The following SEMA3A variants were observed in gnomAD, a reference collection of about 807,000 sequenced individuals.
SEMA3A encodes semaphorin-3A.
A neutral mutation model predicts 97.9 loss-of-function variants in SEMA3A; 29 were observed. The ratio of observed to expected loss-of-function variants is 0.30; its 90% CI spans 0.22 to 0.40. The LOEUF (loss-of-function observed/expected upper bound fraction) is 0.40. Ranked by LOEUF, SEMA3A falls within the 10% of genes least tolerant of loss-of-function variation. The pLI, the probability that SEMA3A is intolerant of heterozygous loss-of-function variation, is 1.00. For missense variants in SEMA3A, 763 were observed against 951.3 expected, an observed-to-expected ratio of 0.80 and a Z score of 2.60; for synonymous variants, 321 against 323.7, an observed-to-expected ratio of 0.99 and a Z score of 0.09.
At chr7:84,310,521 A>G (rs1159686787) in intron 2 of SEMA3A, among the ~76,000 whole-genome samples, 1 of 152,130 alleles carries the variant, frequency 6.6e-6, no homozygotes, top group Admixed American at 6.6e-5. Flanking sequence ...AACTCCTATT[A>G]CAAATAGATG....
chr7:84,246,099 G>C (rs965408538), intron 3 of SEMA3A, among the ~76,000 whole-genome samples: 1 of 152,220 alleles, frequency 6.6e-6, no homozygotes. Flanking sequence ...AGCAGGATTT[G>C]CAGCATTGCA....
intron 1 of SEMA3A, among the ~76,000 whole-genome samples, chr7:84,379,963 G>A (rs570638): frequency 0.12 from 18,455 of 152,088 alleles, 2,068 homozygotes; most frequent in East Asian, 0.35. Flanking sequence ...TATTAAAAAC[G>A]TAAATGAAAG....
chr7:84,123,007 A>C (rs1795675519), intron 3 of SEMA3A, among the ~76,000 whole-genome samples: 1 of 152,164 alleles, frequency 6.6e-6, no homozygotes, highest in Non-Finnish European at 1.5e-5. Flanking sequence ...AGATGGTTGA[A>C]ATTTTGATTT....
At chr7:84,112,905 G>C (rs1178834752) in intron 3 of SEMA3A, among the ~76,000 whole-genome samples, 2 of 152,212 alleles carry the variant, frequency 1.3e-5, no homozygotes, top group Admixed American at 1.3e-4. Context: ...GTTCTACCTA[G>C]AGTGCTGATA....
At chr7:84,285,260 A>T (rs954621906) in intron 3 of SEMA3A, among the ~76,000 whole-genome samples, 1 of 152,126 alleles carries the variant, frequency 6.6e-6, no homozygotes, top group Non-Finnish European at 1.5e-5. Context: ...TGCCTAAAAA[A>T]CTGTGGGAAG....
chr7:84,480,113 AC>A (rs1332520991), intron 1 of SEMA3A, among the ~76,000 whole-genome samples: 2 of 152,236 alleles, frequency 1.3e-5, no homozygotes, highest in Non-Finnish European at 2.9e-5. Context: ...GTTCATTTCT[AC>A]AAAAAAACAC....
intron 2 of SEMA3A, among the ~76,000 whole-genome samples, chr7:84,339,449 G>A (rs1802111233): frequency 6.6e-6 from 1 of 152,172 alleles, no homozygotes; most frequent in Admixed American, 6.6e-5. Context: ...AGCTGCACTT[G>A]AAGCTTAAGG....
intron 12 of SEMA3A, among the ~76,000 whole-genome samples, chr7:83,991,938 T>G (rs1264594062): frequency 5.4e-5 from 8 of 148,034 alleles, no homozygotes; most frequent in Non-Finnish European, 1.0e-4. Flanking sequence ...CGGCTGTGAA[T>G]CCATCTGGTC....
At chr7:84,180,404 G>A (rs902103297) in intron 1 of SEMA3A, among the ~76,000 whole-genome samples, 3 of 151,918 alleles carry the variant, frequency 2.0e-5, no homozygotes, top group Admixed American at 6.6e-5. Context: ...TTAACCTGAC[G>A]AGGCTGGGTG....
intron 1 of SEMA3A, among the ~76,000 whole-genome samples, chr7:84,475,851 G>A (rs575517530): frequency 4.6e-5 from 7 of 152,054 alleles, no homozygotes; most frequent in Non-Finnish European, 7.3e-5. Context: ...TCCCTAAAAT[G>A]TTTCAGCATT....
chr7:84,216,884 G>A (rs187376482), intron 3 of SEMA3A, among the ~76,000 whole-genome samples: 3 of 152,106 alleles, frequency 2.0e-5, no homozygotes, highest in South Asian at 2.1e-4. Context: ...TTAGCATTGC[G>A]CCTTGCAAGC....
At chr7:84,328,022 C>T (rs573672609) in intron 2 of SEMA3A, among the ~76,000 whole-genome samples, 43 of 152,030 alleles carry the variant, frequency 2.8e-4, no homozygotes, top group African/African-American at 6.5e-4. Flanking sequence ...GGTTAGATTA[C>T]GATTTCGAGT....
At chr7:84,361,257 G>A (rs1376410975) in intron 2 of SEMA3A, among the ~76,000 whole-genome samples, 1 of 152,014 alleles carries the variant, frequency 6.6e-6, no homozygotes, top group African/African-American at 2.4e-5. Context: ...ATGAAGTGCT[G>A]AGAATGTTTC....
At chr7:84,401,446 A>C (rs1162729946) in intron 1 of SEMA3A, among the ~76,000 whole-genome samples, 2 of 151,996 alleles carry the variant, frequency 1.3e-5, no homozygotes, top group African/African-American at 4.8e-5. Flanking sequence ...CTATAGATTC[A>C]ATGAAATCTC....
chr7:84,247,249 G>T (rs910044354), intron 3 of SEMA3A, among the ~76,000 whole-genome samples: 1 of 152,108 alleles, frequency 6.6e-6, no homozygotes, highest in Non-Finnish European at 1.5e-5. Context: ...GTTTTATAAT[G>T]AAGTTTTATT....
At chr7:84,086,411 TA>T (rs1242860060) in intron 4 of SEMA3A, among the ~76,000 whole-genome samples, 4 of 146,804 alleles carry the variant, frequency 2.7e-5, no homozygotes, top group Non-Finnish European at 4.5e-5. Context: ...TTGCTATTAT[TA>T]TTTTTAATAT....
intron 1 of SEMA3A, among the ~76,000 whole-genome samples, chr7:84,459,370 G>A (rs1562954770): frequency 6.6e-6 from 1 of 152,128 alleles, no homozygotes; most frequent in African/African-American, 2.4e-5. Context: ...TACACTTTGT[G>A]TTTGATTTCC....
chr7:84,140,473 G>A (rs73380806), intron 1 of SEMA3A, among the ~76,000 whole-genome samples: 10,258 of 152,146 alleles, frequency 0.067, 561 homozygotes, highest in African/African-American at 0.15. Flanking sequence ...TTGGTAACAT[G>A]AAAGGTAATA....
intron 1 of SEMA3A, among the ~76,000 whole-genome samples, chr7:84,174,247 C>T (rs1039284078): frequency 6.6e-6 from 1 of 152,102 alleles, no homozygotes; most frequent in African/African-American, 2.4e-5. Context: ...AATTATCTTC[C>T]ATGAAATGGG....
Sources: gnomAD v4.1 joint callset for allele counts (sites outside exome capture counted in the v4.1 genomes callset) on GRCh38, gnomAD v4.1.1 for gene constraint, MANE v1.5 for transcripts, NCBI Gene and HGNC (gene_info 2026-07-23, HGNC 2026-07-21) for gene names.